The following TP63 variants were observed in gnomAD, a reference collection of about 807,000 sequenced individuals.
TP63 encodes the protein tumor protein 63.
Under a neutral mutation model 82.8 loss-of-function variants are expected in TP63, and 17 were observed. That is an observed-to-expected ratio of 0.21 (90% CI 0.14 to 0.31). The LOEUF (loss-of-function observed/expected upper bound fraction) is 0.31, where lower values mean the gene tolerates loss of function less well. Among genes scored for constraint, TP63 ranks in the 10% least tolerant of loss-of-function variants. The probability of loss-of-function intolerance (pLI) is 1.00; values close to 1 mark genes in which losing one functional copy is unlikely to be tolerated. For synonymous variants in TP63, 330 were observed against 321.7 expected (o/e 1.03, Z -0.28); for missense variants, 648 against 895.3 (o/e 0.72, Z 3.52).
chr3:189,835,193 T>C (rs1232565138), intron 4 of TP63, among the ~76,000 whole-genome samples: 1 of 152,218 alleles, frequency 6.6e-6, no homozygotes, highest in East Asian at 1.9e-4. Context: ...GTATAGCTTA[T>C]TAAACTAGAT....
At chr3:189,814,382 T>C (rs2108654369) in intron 4 of TP63, among the ~76,000 whole-genome samples, 1 of 152,334 alleles carries the variant, frequency 6.6e-6, no homozygotes, top group South Asian at 2.1e-4. Context: ...TGATCTAATC[T>C]TACAATTCAG....
At chr3:189,608,229 G>C in the TP63 span, among the ~76,000 whole-genome samples, 12 of 152,230 alleles carry the variant, frequency 7.9e-5, no homozygotes, top group African/African-American at 2.6e-4. Context: ...GGAAATCTTG[G>C]GGAGGGGTAT....
At chr3:189,676,582 C>T (rs781358127) in intron 1 of TP63, among the ~76,000 whole-genome samples, 2 of 150,700 alleles carry the variant, frequency 1.3e-5, no homozygotes, top group African/African-American at 2.4e-5. Context: ...GTGTGTATCC[C>T]GTATGTTCCT....
chr3:189,667,313 T>G (rs369421842), intron 1 of TP63, among the ~76,000 whole-genome samples: 73 of 151,884 alleles, frequency 4.8e-4, no homozygotes, highest in African/African-American at 1.7e-3. Flanking sequence ...TAGCTGGGAT[T>G]ATAGGCACCC....
intron 1 of TP63, among the ~76,000 whole-genome samples, chr3:189,735,286 C>G (rs960556721): frequency 6.6e-6 from 1 of 152,170 alleles, no homozygotes; most frequent in Non-Finnish European, 1.5e-5. Context: ...CTCACAGATT[C>G]ATTTTTCCCC....
chr3:189,728,471 T>C (rs1226881155), intron 1 of TP63, among the ~76,000 whole-genome samples: 2 of 152,160 alleles, frequency 1.3e-5, no homozygotes, highest in Non-Finnish European at 2.9e-5. Context: ...GTGAGCTCAG[T>C]GTTGGCAAAT....
intron 1 of TP63, among the ~76,000 whole-genome samples, chr3:189,685,760 A>G (rs1716382288): frequency 6.6e-6 from 1 of 152,226 alleles, no homozygotes; most frequent in African/African-American, 2.4e-5. Flanking sequence ...TTTTATAGCA[A>G]TAACGCAATT....
At position 189,869,359 on chromosome 3, in the gene TP63, T is replaced by A. The variant is rs1338541237; in HGVS notation, c.1165T>A (p.Ser389Thr). 6.2e-7 allele frequency: 1 copy of A among 1,614,100 alleles called. No homozygotes were observed. Among genetic ancestry groups the A allele is most frequent in the Non-Finnish European group, 8.5e-7 (1 of 1,179,968 alleles). Residue 389 changes from serine to threonine, a missense_variant, in exon 9 of 14, where the codon TCC becomes ACC. By Grantham distance (58) the Ser-to-Thr change is moderately conservative (BLOSUM62 1). This residue lies in a region of TP63 where 342 missense variants were observed against 425.7 expected (regional missense o/e 0.80). Coordinates refer to ENST00000264731, the MANE Select transcript of TP63 (RefSeq NM_003722.5). ...GAACACACATGGTATCCAGATGACA[T>A]CCATCAAGAAACGAAGATCCCCAGA... ...RQNTHGIQMT[S>T]IKKRRSPDDE...
rs55731981 is a variant in TP63 at position 189,777,845 on chromosome 3, C to CTTTTT, written c.325-30403_325-30399dup. On this transcript the variant is annotated intron_variant, in intron 3 of 13. Transcript: ENST00000264731. Reference sequence around the variant, plus strand: ...GAGTCTTCTTCTTCTTCTTCTTCTTCTTTTTTTTTTTTTTTTTTTTTTTTT... The same window carrying CTTTTT: ...GAGTCTTCTTCTTCTTCTTCTTCTTCTTTTTTTTTTTTTTTTTTTTTTTTTTTTTT... Among the ~76,000 whole-genome samples the CTTTTT allele has an allele frequency of 6.7e-3, 252 of 37,806 alleles. 7 individuals are homozygous for CTTTTT. Among genetic ancestry groups the CTTTTT allele is most frequent in the African/African-American group, 7.9e-3 (67 of 8,522 alleles). The allele number at this position is 37,806 out of a possible 152,430, so 24.8% of individuals were successfully genotyped here. A position where few individuals can be genotyped will look rare whatever the true frequency, so the allele number is the denominator to read the frequency against.
At chr3:189,811,491 T>A (rs67528643) in intron 4 of TP63, among the ~76,000 whole-genome samples, 16,087 of 152,188 alleles carry the variant, frequency 0.11, 923 homozygotes, top group South Asian at 0.13. Flanking sequence ...AGTTCATTTC[T>A]TCTAAATTAG....
rs577956451 is a variant in TP63, at chr3:189,755,152, C to G, written c.324+16378C>G. Among the ~76,000 whole-genome samples, 5 of 152,152 alleles carry G rather than the reference C, an allele frequency of 3.3e-5. No individual in the cohort carries two copies. In the South Asian group the frequency reaches 1.0e-3, roughly 32 times the overall value. ...TTGATCTCAGAGAATTGTGGTGATA[C>G]CTTTATTGGTGAGTTTCATTCAGAG... On this transcript the variant is annotated intron_variant, in intron 3 of 13. Transcript: ENST00000264731.
intron 6 of TP63, 111 bp from the exon 7 acceptor site, chr3:189,867,722 A>G: frequency 2.0e-6 from 2 of 989,166 alleles, no homozygotes; most frequent in Non-Finnish European, 3.1e-6. Context: ...TTTTAGGAGG[A>G]AGCGTATCAC....
chr3:189,779,694 T>A (rs949258799), intron 3 of TP63, among the ~76,000 whole-genome samples: 1 of 152,188 alleles, frequency 6.6e-6, no homozygotes, highest in East Asian at 1.9e-4. Context: ...AGTTCCAAGC[T>A]CCAGCCTTAA....
intron 1 of TP63, among the ~76,000 whole-genome samples, chr3:189,682,580 A>G (rs889959303): frequency 9.6e-6 from 1 of 104,022 alleles, no homozygotes. Flanking sequence ...ATATATATAT[A>G]TATATATATA....
chr3:189,668,616 T>C (rs893681943), intron 1 of TP63, among the ~76,000 whole-genome samples: 2 of 152,124 alleles, frequency 1.3e-5, no homozygotes, highest in Admixed American at 6.6e-5. Flanking sequence ...GAAGAAAATA[T>C]AATAGCAACT....
the TP63 span, among the ~76,000 whole-genome samples, chr3:189,611,027 C>T: frequency 6.6e-6 from 1 of 152,132 alleles, no homozygotes; most frequent in African/African-American, 2.4e-5. Flanking sequence ...ATTCAATTAC[C>T]TCCAATTGGA....
chr3:189,677,003 C>G (rs1312270091), intron 1 of TP63, among the ~76,000 whole-genome samples: 1 of 138,680 alleles, frequency 7.2e-6, no homozygotes, highest in African/African-American at 2.6e-5. Flanking sequence ...TCCCAAATCT[C>G]CAGTGTCTAT....
At chr3:189,732,504 A>T (rs1197921658) in intron 1 of TP63, among the ~76,000 whole-genome samples, 2 of 152,236 alleles carry the variant, frequency 1.3e-5, no homozygotes. Context: ...TAATCAGTTT[A>T]ATTCAGCAAG....
chr3:189,737,051 G>T (rs1720646450), intron 1 of TP63, among the ~76,000 whole-genome samples: 1 of 152,118 alleles, frequency 6.6e-6, no homozygotes. Context: ...GCAGCAAAAT[G>T]AAGCAAACAG....
Sources: gnomAD v4.1 joint callset for allele counts (sites outside exome capture counted in the v4.1 genomes callset) on GRCh38, gnomAD v4.1.1 for gene constraint, gnomAD v4.1.1 regional missense constraint, MANE v1.5 for transcripts, NCBI Gene and HGNC (gene_info 2026-07-23, HGNC 2026-07-21) for gene names.